Variants in DCC observed in about 807,000 individuals in gnomAD.
The protein encoded by DCC is netrin receptor DCC.
A neutral mutation model predicts 172.5 loss-of-function variants in DCC; 58 were observed. The observed-to-expected ratio is 0.34, with a 90% CI of 0.27 to 0.42. The LOEUF is 0.42. Among genes scored for constraint, DCC ranks in the 10% least tolerant of loss-of-function variants. DCC has a pLI of 1.00. For synonymous variants in DCC, 709 were observed against 644.5 expected (o/e 1.10, Z -1.52); for missense variants, 1,740 against 1,791.0 (o/e 0.97, Z 0.51).
chr18:52,724,401 A>G (rs2036521224), intron 1 of DCC, among the ~76,000 whole-genome samples: 1 of 152,122 alleles, frequency 6.6e-6, no homozygotes. Flanking sequence ...CTCCCAACTC[A>G]GATTCCCAAA....
In DCC at chr18:53,157,398, T is replaced by G; in HGVS notation, c.1304T>G (p.Val435Gly). The change falls in exon 8 of 29, where the codon GTG becomes GGG. Residue 435 changes from valine (V) to glycine (G), a missense_variant. Transcript: ENST00000442544. ...SSVLPSAPRD[V>G]VPVLVSSRFV... ...GTCCTCCCTTCGGCTCCCAGAGATG[T>G]GGTCCCTGTCTTGGTTTCCAGCCGA... is the stretch of plus-strand genomic sequence containing the variant. 6.2e-7 allele frequency: 1 copy of G among 1,614,158 alleles called. No homozygotes were observed. Among genetic ancestry groups the G allele is most frequent in the Middle Eastern group, 1.6e-4 (1 of 6,062 alleles).
intron 1 of DCC, among the ~76,000 whole-genome samples, chr18:52,664,125 A>G (rs1349498299): frequency 6.6e-6 from 1 of 152,252 alleles, no homozygotes; most frequent in Non-Finnish European, 1.5e-5. Context: ...TTTGACATTT[A>G]CTATGGACAT....
chr18:53,056,903 G>T (rs906584505), intron 5 of DCC, among the ~76,000 whole-genome samples: 1 of 151,794 alleles, frequency 6.6e-6, no homozygotes, highest in African/African-American at 2.4e-5. Flanking sequence ...TTTTAAAAAT[G>T]CATTCTTTGT....
chr18:52,819,097 G>T (rs1339328495), intron 2 of DCC, among the ~76,000 whole-genome samples: 1 of 152,120 alleles, frequency 6.6e-6, no homozygotes, highest in African/African-American at 2.4e-5. Flanking sequence ...TCGTTTTACA[G>T]AAATATTTTG....
chr18:53,318,053 G>C (rs2057363501), intron 13 of DCC, among the ~76,000 whole-genome samples: 1 of 151,900 alleles, frequency 6.6e-6, no homozygotes, highest in Non-Finnish European at 1.5e-5. Context: ...TGCTTCTCTA[G>C]TTCTTTTCAT....
chr18:53,267,028 T>C (rs533351805), intron 12 of DCC, among the ~76,000 whole-genome samples: 17 of 152,042 alleles, frequency 1.1e-4, no homozygotes, highest in Non-Finnish European at 2.2e-4. Flanking sequence ...TTGTTTCTTT[T>C]TGGTAGACAA....
chr18:52,436,135 G>A (rs769063566), intron 1 of DCC, among the ~76,000 whole-genome samples: 7 of 152,192 alleles, frequency 4.6e-5, no homozygotes, highest in Non-Finnish European at 8.8e-5. Flanking sequence ...CCCGAAAAGA[G>A]AAAACACAAG....
intron 7 of DCC, among the ~76,000 whole-genome samples, chr18:53,146,579 A>C (rs1033451329): frequency 6.6e-6 from 1 of 152,228 alleles, no homozygotes; most frequent in South Asian, 2.1e-4. Context: ...TTAAATTTCA[A>C]CCTGAAGGGT....
At chr18:52,864,782 G>A (rs902016836) in intron 2 of DCC, among the ~76,000 whole-genome samples, 3 of 151,758 alleles carry the variant, frequency 2.0e-5, no homozygotes, top group Non-Finnish European at 4.4e-5. Flanking sequence ...GTGGTGTTTG[G>A]TTTTCTCTTC....
At chr18:53,349,053 G>T (rs1265597459) in intron 15 of DCC, among the ~76,000 whole-genome samples, 1 of 152,146 alleles carries the variant, frequency 6.6e-6, no homozygotes, top group Non-Finnish European at 1.5e-5. Flanking sequence ...CTATCACATT[G>T]TCTGGCTGCA....
intron 1 of DCC, among the ~76,000 whole-genome samples, chr18:52,496,977 G>A (rs1252894861): frequency 2.0e-5 from 3 of 151,758 alleles, no homozygotes; most frequent in African/African-American, 7.3e-5. Context: ...TTATGACCAG[G>A]CATGGTGGTT....
At chr18:53,408,885 A>G (rs1568113523) in intron 19 of DCC, among the ~76,000 whole-genome samples, 1 of 152,284 alleles carries the variant, frequency 6.6e-6, no homozygotes, top group South Asian at 2.1e-4. Flanking sequence ...AGATTGTAAC[A>G]TTGCTTAATC....
At chr18:53,504,496 A>G (rs2046145125) in intron 27 of DCC, among the ~76,000 whole-genome samples, 2 of 152,216 alleles carry the variant, frequency 1.3e-5, no homozygotes, top group African/African-American at 4.8e-5. Flanking sequence ...GTTTCATCTC[A>G]TGTGAAAGCT....
intron 1 of DCC, among the ~76,000 whole-genome samples, chr18:52,685,634 C>G (rs1386473675): frequency 6.6e-6 from 1 of 152,134 alleles, no homozygotes; most frequent in South Asian, 2.1e-4. Flanking sequence ...GTTTCTCTCT[C>G]TTGCTTCCTC....
intron 15 of DCC, among the ~76,000 whole-genome samples, chr18:53,356,213 A>C (rs886410232): frequency 6.6e-6 from 1 of 152,008 alleles, no homozygotes; most frequent in Non-Finnish European, 1.5e-5. Context: ...AGCTATGCAC[A>C]TGCTGTACCA....
At chr18:53,360,173 G>A (rs1157905542) in intron 15 of DCC, among the ~76,000 whole-genome samples, 1 of 152,012 alleles carries the variant, frequency 6.6e-6, no homozygotes, top group Non-Finnish European at 1.5e-5. Context: ...GTGTTTGTGT[G>A]TTTTAATCAG....
At chr18:52,587,853 T>C (rs545594821) in intron 1 of DCC, among the ~76,000 whole-genome samples, 53 of 152,262 alleles carry the variant, frequency 3.5e-4, no homozygotes, top group African/African-American at 1.3e-3. Flanking sequence ...CATGAGGCCA[T>C]TGGTACAGGC....
intron 9 of DCC, among the ~76,000 whole-genome samples, chr18:53,204,243 A>T (rs1277364994): frequency 6.6e-6 from 1 of 152,112 alleles, no homozygotes. Flanking sequence ...GAAAGTTTCA[A>T]AATCTTAAGA....
chr18:53,030,458 A>G (rs2042012280), intron 5 of DCC, among the ~76,000 whole-genome samples: 2 of 151,916 alleles, frequency 1.3e-5, no homozygotes, highest in Admixed American at 1.3e-4. Flanking sequence ...TATTCTATCT[A>G]GTATTCAGGA....
Sources: gnomAD v4.1 joint callset for allele counts (sites outside exome capture counted in the v4.1 genomes callset) on GRCh38, gnomAD v4.1.1 for gene constraint, MANE v1.5 for transcripts, NCBI Gene and HGNC (gene_info 2026-07-23, HGNC 2026-07-21) for gene names.